The following GPM6A variants were observed in gnomAD, a reference collection of about 807,000 sequenced individuals.
GPM6A encodes the protein neuronal membrane glycoprotein M6-a.
A neutral mutation model predicts 32.1 loss-of-function variants in GPM6A; 7 were observed. The ratio of observed to expected loss-of-function variants is 0.22; its 90% CI spans 0.12 to 0.41. The LOEUF (loss-of-function observed/expected upper bound fraction) is 0.41. Ranked by LOEUF, GPM6A falls within the 10% of genes least tolerant of loss-of-function variation. The probability of loss-of-function intolerance (pLI) is 1.00; values close to 1 mark genes in which losing one functional copy is unlikely to be tolerated. For synonymous variants in GPM6A, 130 were observed against 123.4 expected, an observed-to-expected ratio of 1.05 and a Z score of -0.35; for missense variants, 235 against 347.2, an observed-to-expected ratio of 0.68 and a Z score of 2.57.
intron 1 of GPM6A, among the ~76,000 whole-genome samples, chr4:175,881,221 C>T (rs556344723): frequency 1.7e-4 from 26 of 152,308 alleles, no homozygotes; most frequent in South Asian, 1.7e-3. Context: ...GACATTAATG[C>T]AGCCAACAGA....
At chr4:175,902,801 C>T (rs1324347320) in intron 1 of GPM6A, among the ~76,000 whole-genome samples, 2 of 152,016 alleles carry the variant, frequency 1.3e-5, no homozygotes, top group Non-Finnish European at 2.9e-5. Flanking sequence ...AACTTCTGCT[C>T]TTAACGTCAC....
At chr4:175,932,821 A>G (rs1368321136) in intron 1 of GPM6A, among the ~76,000 whole-genome samples, 1 of 152,118 alleles carries the variant, frequency 6.6e-6, no homozygotes, top group East Asian at 1.9e-4. Context: ...AACTAAAACT[A>G]AAAATAAAAT....
chr4:175,959,747 G>A (rs1740107900), intron 1 of GPM6A, among the ~76,000 whole-genome samples: 1 of 152,178 alleles, frequency 6.6e-6, no homozygotes, highest in African/African-American at 2.4e-5. Context: ...AATTAGTAGA[G>A]TGAAAGGAAC....
intron 1 of GPM6A, among the ~76,000 whole-genome samples, chr4:175,925,877 A>G (rs1336955998): frequency 5.3e-5 from 7 of 132,166 alleles, no homozygotes; most frequent in Non-Finnish European, 9.3e-5. Flanking sequence ...TTTGAGAGAG[A>G]GTCTCATTCT....
At chr4:175,734,738 T>TG (rs1731589723) in intron 1 of GPM6A, among the ~76,000 whole-genome samples, 1 of 152,004 alleles carries the variant, frequency 6.6e-6, no homozygotes, top group African/African-American at 2.4e-5. Flanking sequence ...CTGGGTGTGG[T>TG]GGCAGATGCC....
chr4:175,737,429 C>T (rs1242068891), intron 1 of GPM6A, among the ~76,000 whole-genome samples: 1 of 152,028 alleles, frequency 6.6e-6, no homozygotes, highest in Non-Finnish European at 1.5e-5. Flanking sequence ...ATCGCTTGAA[C>T]CTGGGAAGTG....
chr4:175,702,323 G>A (rs541741408), intron 1 of GPM6A, among the ~76,000 whole-genome samples: 5 of 152,084 alleles, frequency 3.3e-5, no homozygotes, highest in East Asian at 1.9e-4. Context: ...TCTTTGTGTC[G>A]GAACATTAAG....
At chr4:175,766,630 G>A (rs867002056) in intron 1 of GPM6A, among the ~76,000 whole-genome samples, 49 of 150,598 alleles carry the variant, frequency 3.3e-4, no homozygotes, top group African/African-American at 1.1e-3. Context: ...TGATGTGTTA[G>A]AAGATCAGTG....
intron 1 of GPM6A, among the ~76,000 whole-genome samples, chr4:175,849,017 T>C (rs17062162): frequency 0.015 from 2,341 of 152,318 alleles, 59 homozygotes; most frequent in African/African-American, 0.052. Context: ...TGAAATTTCA[T>C]TGCTTGATAT....
intron 2 of GPM6A, among the ~76,000 whole-genome samples, chr4:175,691,578 AT>A (rs1268281331): frequency 6.6e-6 from 1 of 152,230 alleles, no homozygotes; most frequent in South Asian, 2.1e-4. Context: ...ATTTTAAACT[AT>A]TATATACCTT....
intron 3 of GPM6A, among the ~76,000 whole-genome samples, chr4:175,658,531 G>T (rs1291359600): frequency 6.6e-6 from 1 of 152,144 alleles, no homozygotes; most frequent in Non-Finnish European, 1.5e-5. Context: ...AAAACCCAAA[G>T]AATGTGCAAC....
intron 1 of GPM6A, among the ~76,000 whole-genome samples, chr4:175,848,546 A>G (rs1304303670): frequency 6.6e-6 from 1 of 152,210 alleles, no homozygotes; most frequent in Non-Finnish European, 1.5e-5. Context: ...ACCCGAAAAC[A>G]GATTATAATT....
intron 1 of GPM6A, among the ~76,000 whole-genome samples, chr4:175,807,775 C>T (rs1734752967): frequency 6.6e-6 from 1 of 152,078 alleles, no homozygotes; most frequent in Non-Finnish European, 1.5e-5. Flanking sequence ...GGGAGGCAGT[C>T]CTTCGAAGGA....
At chr4:175,779,633 G>C (rs919506871) in intron 1 of GPM6A, among the ~76,000 whole-genome samples, 1 of 152,086 alleles carries the variant, frequency 6.6e-6, no homozygotes, top group African/African-American at 2.4e-5. Flanking sequence ...CGCATCCCTA[G>C]AGGCAAACAC....
chr4:176,001,413 T>G lies in GPM6A; in HGVS notation c.-23+896A>C, dbSNP rs531535594. On this transcript the variant is annotated intron_variant, in intron 1 of 7. Coordinates refer to the GPM6A transcript ENST00000280187. ...CGCCAGTCCAGGGATGGCGAGTGCT[T>G]TCTCCTCCCCAGCTTCTCCCTCGCT... 8.5e-5 allele frequency among the ~76,000 whole-genome samples: 13 copies of G among 152,246 alleles called. No homozygotes were observed. In the South Asian group the frequency reaches 2.7e-3, roughly 32 times the overall value.
At chr4:175,920,654 C>A (rs922364153) in intron 1 of GPM6A, among the ~76,000 whole-genome samples, 2 of 152,036 alleles carry the variant, frequency 1.3e-5, no homozygotes, top group African/African-American at 4.8e-5. Context: ...TCGAGACTAG[C>A]CTGGGCAACA....
intron 1 of GPM6A, among the ~76,000 whole-genome samples, chr4:175,987,098 C>T (rs1162963379): frequency 6.6e-6 from 1 of 152,176 alleles, no homozygotes; most frequent in Non-Finnish European, 1.5e-5. Context: ...ACCTCAACAT[C>T]TGTTATGCCA....
intron 1 of GPM6A, among the ~76,000 whole-genome samples, chr4:175,732,450 T>A (rs1023019712): frequency 2.0e-5 from 3 of 152,202 alleles, no homozygotes; most frequent in African/African-American, 4.8e-5. Flanking sequence ...CTTTTTTCTA[T>A]GAGTATGTGT....
Position 175,825,518 on chromosome 4 carries a change from T to G in GPM6A, c.-22-13269A>C, listed in dbSNP as rs531955811. On this transcript the variant is annotated intron_variant, in intron 1 of 7. Coordinates refer to the GPM6A transcript ENST00000280187. ...GTAAGAGGCCAAATAAACAAATACATTAAGGAGCTAATGTCAGGTTCTTAC... is the reference window on the plus strand; with the variant it reads ...GTAAGAGGCCAAATAAACAAATACAGTAAGGAGCTAATGTCAGGTTCTTAC... 2.6e-5 allele frequency among the ~76,000 whole-genome samples: 4 copies of G among 152,168 alleles called. No homozygotes were observed. The South Asian group carries it at 8.3e-4, about 32-fold the overall frequency.
Sources: allele counts gnomAD v4.1 joint callset (sites outside exome capture counted in the v4.1 genomes callset), GRCh38; gene constraint gnomAD v4.1.1; transcripts MANE v1.5; gene names NCBI Gene and HGNC (gene_info 2026-07-23, HGNC 2026-07-21).